PALLD: variants seen among roughly 807,000 people sequenced by gnomAD.
PALLD encodes the protein palladin.
Under a neutral mutation model 123.5 loss-of-function variants are expected in PALLD, and 61 were observed. That is an observed-to-expected ratio of 0.49 (90% CI 0.40 to 0.61). The LOEUF (loss-of-function observed/expected upper bound fraction) is 0.61. Ranked by LOEUF, PALLD falls within the 20% of genes least tolerant of loss-of-function variation. The pLI, the probability that PALLD is intolerant of heterozygous loss-of-function variation, is 0.00. For synonymous variants in PALLD, 465 were observed against 496.4 expected, an observed-to-expected ratio of 0.94 and a Z score of 0.84; for missense variants, 1,273 against 1,377.0, an observed-to-expected ratio of 0.92 and a Z score of 1.20.
At chr4:168,764,207 C>T (rs944980874) in intron 10 of PALLD, among the ~76,000 whole-genome samples, 1 of 151,932 alleles carries the variant, frequency 6.6e-6, no homozygotes, top group Non-Finnish European at 1.5e-5. Flanking sequence ...AATGAATAAA[C>T]GTATGAATGA....
At chr4:168,845,220 G>A (rs887496371) in intron 10 of PALLD, among the ~76,000 whole-genome samples, 1 of 152,100 alleles carries the variant, frequency 6.6e-6, no homozygotes, top group South Asian at 2.1e-4. Context: ...TTCTATCAAG[G>A]GATACGGTCA....
intron 2 of PALLD, among the ~76,000 whole-genome samples, chr4:168,606,825 A>G (rs1447971854): frequency 6.6e-6 from 1 of 152,142 alleles, no homozygotes; most frequent in African/African-American, 2.4e-5. Context: ...TGGGGTGGGA[A>G]CACCCATGAA....
chr4:168,617,686 A>G (rs749948416), intron 2 of PALLD, among the ~76,000 whole-genome samples: 2 of 152,220 alleles, frequency 1.3e-5, no homozygotes, highest in Non-Finnish European at 2.9e-5. Context: ...TTCGAACTTC[A>G]GTGTCCAACA....
chr4:168,610,786 T>C (rs1238609458), intron 2 of PALLD, among the ~76,000 whole-genome samples: 2 of 152,188 alleles, frequency 1.3e-5, no homozygotes, highest in Admixed American at 1.3e-4. Context: ...CTCACCTCCA[T>C]GCATCTTCAG....
At chr4:168,566,493 T>A (rs919799614) in intron 2 of PALLD, among the ~76,000 whole-genome samples, 1 of 152,026 alleles carries the variant, frequency 6.6e-6, no homozygotes, top group Non-Finnish European at 1.5e-5. Flanking sequence ...AGACGGGGTC[T>A]CCCTATGCTG....
chr4:168,800,449 A>G (rs1739164303), intron 10 of PALLD, among the ~76,000 whole-genome samples: 1 of 152,212 alleles, frequency 6.6e-6, no homozygotes, highest in Non-Finnish European at 1.5e-5. Flanking sequence ...TAAATAAGTG[A>G]AAAGTAGAAC....
chr4:168,524,095 CA>C (rs1261047798), intron 2 of PALLD, among the ~76,000 whole-genome samples: 1 of 152,180 alleles, frequency 6.6e-6, no homozygotes, highest in Non-Finnish European at 1.5e-5. Context: ...ATCTATTTTA[CA>C]ACACTTTAAC....
At chr4:168,610,368 C>T (rs1226503256) in intron 2 of PALLD, among the ~76,000 whole-genome samples, 1 of 152,214 alleles carries the variant, frequency 6.6e-6, no homozygotes, top group East Asian at 1.9e-4. Flanking sequence ...GGCTGAGATG[C>T]TCAGGTGCTA....
chr4:168,796,493 A>C (rs1313368260), intron 10 of PALLD, among the ~76,000 whole-genome samples: 3 of 152,206 alleles, frequency 2.0e-5, no homozygotes, highest in African/African-American at 7.2e-5. Flanking sequence ...GCAGTTATTA[A>C]GGTACACCAG....
chr4:168,924,141 TA>T, intron 18 of PALLD, 113 bp from the exon 19 acceptor site: 2 of 894,756 alleles, frequency 2.2e-6, no homozygotes, highest in Non-Finnish European at 3.6e-6. Context: ...CCACCTGGAG[TA>T]AAAAATGGTA....
intron 2 of PALLD, among the ~76,000 whole-genome samples, chr4:168,555,988 C>T (rs191867025): frequency 6.6e-6 from 1 of 152,268 alleles, no homozygotes; most frequent in East Asian, 1.9e-4. Flanking sequence ...GTGTATAGAA[C>T]CACCCCGAAG....
At chr4:168,880,769 G>T (rs1345479604) in intron 10 of PALLD, among the ~76,000 whole-genome samples, 2 of 152,190 alleles carry the variant, frequency 1.3e-5, no homozygotes, top group Non-Finnish European at 2.9e-5. Flanking sequence ...TAGCTGGATA[G>T]TTTTGCCATA....
chr4:168,842,689 G>A (rs1746215943), intron 10 of PALLD, among the ~76,000 whole-genome samples: 2 of 152,264 alleles, frequency 1.3e-5, no homozygotes, highest in South Asian at 4.1e-4. Context: ...TTTCTTCTCA[G>A]CCTTGCTGTC....
intron 2 of PALLD, among the ~76,000 whole-genome samples, chr4:168,616,432 T>C (rs1774229905): frequency 6.6e-6 from 1 of 152,226 alleles, no homozygotes; most frequent in South Asian, 2.1e-4. Context: ...AAGGAGAATT[T>C]AGTTGCACTT....
chr4:168,822,156 C>T (rs1187344035), intron 10 of PALLD, among the ~76,000 whole-genome samples: 1 of 152,066 alleles, frequency 6.6e-6, no homozygotes, highest in Non-Finnish European at 1.5e-5. Context: ...CAAGAGGACT[C>T]AGGACCTGAT....
chr4:168,803,413 GTTGAAAAAAATT>G (rs1739651839), intron 10 of PALLD, among the ~76,000 whole-genome samples: 1 of 152,040 alleles, frequency 6.6e-6, no homozygotes, highest in Non-Finnish European at 1.5e-5. Context: ...TAAAATAAAA[GTTGAAAAAAATT>G]TTAAAAAGAA....
intron 2 of PALLD, among the ~76,000 whole-genome samples, chr4:168,616,177 G>T (rs964286718): frequency 6.6e-6 from 1 of 152,130 alleles, no homozygotes; most frequent in Admixed American, 6.5e-5. Context: ...TACTCCCCAC[G>T]CTATCTTCTC....
At chr4:168,745,432 G>GT (rs1242436735) in intron 10 of PALLD, among the ~76,000 whole-genome samples, 4 of 138,314 alleles carry the variant, frequency 2.9e-5, no homozygotes, top group Admixed American at 2.2e-4. Flanking sequence ...ATGGGAGGGG[G>GT]GGGCAAATAA....
At chr4:168,665,048 T>TA (rs1374414194) in intron 2 of PALLD, among the ~76,000 whole-genome samples, 3 of 152,218 alleles carry the variant, frequency 2.0e-5, no homozygotes, top group Non-Finnish European at 2.9e-5. Flanking sequence ...ATGATTGTGT[T>TA]AAAAAATATT....
Sources: allele counts gnomAD v4.1 joint callset (sites outside exome capture counted in the v4.1 genomes callset), GRCh38; gene constraint gnomAD v4.1.1; transcripts MANE v1.5; gene names NCBI Gene and HGNC (gene_info 2026-07-23, HGNC 2026-07-21).